The following BMP2K variants were observed in gnomAD, a reference collection of about 807,000 sequenced individuals.
The protein encoded by BMP2K is BMP-2-inducible protein kinase.
Under a neutral mutation model 116.0 loss-of-function variants are expected in BMP2K, and 74 were observed. That is an observed-to-expected ratio of 0.64 (90% confidence interval 0.53 to 0.77). The LOEUF (loss-of-function observed/expected upper bound fraction) is 0.77. BMP2K is among the 30% of genes least tolerant of loss of function. The pLI is 0.00. For synonymous variants in BMP2K, 486 were observed against 502.5 expected, an observed-to-expected ratio of 0.97 and a Z score of 0.44; for missense variants, 1,365 against 1,403.6, an observed-to-expected ratio of 0.97 and a Z score of 0.44.
At chr4:78,865,109 C>T (rs958295681) in intron 9 of BMP2K, among the ~76,000 whole-genome samples, 4 of 152,116 alleles carry the variant, frequency 2.6e-5, no homozygotes, top group Non-Finnish European at 4.4e-5. Context: ...TTAACGTGCC[C>T]TAGGCCACAG....
At position 78,829,762 on chromosome 4, in the gene BMP2K, TTTCTTTTC is replaced by T. The variant is rs575196306; in HGVS notation, c.297+3610_297+3617del. On this transcript the variant is annotated intron_variant, in intron 2 of 15. Coordinates refer to ENST00000502613, the MANE Select transcript of BMP2K (RefSeq NM_198892.2). Reference sequence around the variant, plus strand: ...AGCAGGCATGGAAACAATCTTTTCTTTTCTTTTCTTTTCTTTTCTTTTCTTTTCTCTTC... The same window carrying T: ...AGCAGGCATGGAAACAATCTTTTCTTTTTTCTTTTCTTTTCTTTTCTCTTC... Among the ~76,000 whole-genome samples, 3 of 109,904 alleles carry T rather than the reference TTTCTTTTC, an allele frequency of 2.7e-5. No homozygotes were observed. The South Asian group carries it at 8.6e-4, about 31-fold the overall frequency. The allele number at this position is 109,904 out of a possible 152,430, so 72.1% of individuals were successfully genotyped here.
rs376324762 is a variant in BMP2K at position 78,823,043 on chromosome 4, A to G, written c.179-2994A>G. On this transcript the variant is annotated intron_variant, in intron 1 of 15. Transcript: ENST00000502613. ...TGGGGAAAACATAAACATTTATTAC[A>G]TTTTATTCTCAAAGCAGATACAATT... Among the ~76,000 whole-genome samples the G allele has an allele frequency of 7.2e-5, 11 of 152,234 alleles. No individual in the cohort carries two copies. In the East Asian group the frequency reaches 1.9e-3, roughly 27 times the overall value.
intron 1 of BMP2K, among the ~76,000 whole-genome samples, chr4:78,810,463 A>G (rs772741097): frequency 1.3e-4 from 20 of 152,180 alleles, no homozygotes; most frequent in African/African-American, 4.1e-4. Flanking sequence ...ATCACTGCCT[A>G]TGACAGCTAC....
At chr4:78,834,896 G>A (rs1281629404) in intron 3 of BMP2K, among the ~76,000 whole-genome samples, 1 of 152,160 alleles carries the variant, frequency 6.6e-6, no homozygotes, top group Non-Finnish European at 1.5e-5. Context: ...ACAACCAGAT[G>A]TTTCTTGATT....
At chr4:78,863,970 T>C (rs1006143145) in intron 9 of BMP2K, among the ~76,000 whole-genome samples, 1 of 152,212 alleles carries the variant, frequency 6.6e-6, no homozygotes, top group Non-Finnish European at 1.5e-5. Context: ...TTATTACATT[T>C]CCACTAACAT....
intron 1 of BMP2K, among the ~76,000 whole-genome samples, chr4:78,784,888 C>T (rs72862505): frequency 1.5e-3 from 226 of 152,198 alleles, no homozygotes; most frequent in African/African-American, 5.2e-3. Context: ...ACATCTTTTT[C>T]CATTTTAGTA....
rs981087437 is a variant in BMP2K, at chr4:78,890,173, GA to G, written c.2062+2900del. ...GTCAGATTTAACAAGATTTGAAATG[GA>G]AAAAAAAAAATCACTTCCTTTCCTG... On this transcript the variant is annotated intron_variant, in intron 15 of 15. Transcript: ENST00000502613. Among the ~76,000 whole-genome samples, 1,208 of 145,970 alleles carry G rather than the reference GA, an allele frequency of 8.3e-3. 10 individuals are homozygous for G. Among genetic ancestry groups the G allele is most frequent in the African/African-American group, 0.019 (764 of 40,050 alleles).
At chr4:78,783,124 G>A (rs1283750689) in intron 1 of BMP2K, among the ~76,000 whole-genome samples, 1 of 152,134 alleles carries the variant, frequency 6.6e-6, no homozygotes, top group Non-Finnish European at 1.5e-5. Flanking sequence ...CATTTATCCT[G>A]AATAAGTATC....
intron 12 of BMP2K, 31 bp downstream of exon 12, chr4:78,871,979 G>A: frequency 7.6e-6 from 11 of 1,455,316 alleles, no homozygotes; most frequent in Non-Finnish European, 1.1e-5. Context: ...AGATTTCTCT[G>A]AGTATACATT....
intron 2 of BMP2K, among the ~76,000 whole-genome samples, chr4:78,832,969 G>C (rs1730281991): frequency 6.6e-6 from 1 of 151,802 alleles, no homozygotes; most frequent in South Asian, 2.1e-4. Context: ...AACAGAGTAG[G>C]TTATTATTCT....
chr4:78,895,588 G>A (rs983969517), intron 15 of BMP2K, among the ~76,000 whole-genome samples: 2 of 152,018 alleles, frequency 1.3e-5, no homozygotes, highest in Admixed American at 1.3e-4. Context: ...AAAGTTGAAA[G>A]TGAGACTTGG....
intron 15 of BMP2K, among the ~76,000 whole-genome samples, chr4:78,898,035 C>A (rs1262188183): frequency 6.6e-6 from 1 of 152,078 alleles, no homozygotes; most frequent in Non-Finnish European, 1.5e-5. Context: ...AAAGATGTTA[C>A]TTATGGTTAA....
Position 78,910,752 on chromosome 4 carries a change from G to A in BMP2K, c.2205G>A (p.Lys735=). Residue 735 remains lysine, a synonymous_variant, in exon 16 of 16, where the codon AAG becomes AAA. Transcript: ENST00000502613. ...KKTSVQGQVQ[K]GNDESESDFE... ...CCTCAGTACAGGGTCAAGTGCAAAA[G>A]GGGAATGATGAATCTGAAAGTGATT... The A allele has an allele frequency of 6.2e-7, 1 of 1,613,886 alleles. No individual in the cohort carries two copies. Among genetic ancestry groups the A allele is most frequent in the Non-Finnish European group, 8.5e-7 (1 of 1,179,848 alleles).
intron 7 of BMP2K, among the ~76,000 whole-genome samples, chr4:78,857,574 G>A (rs1229343841): frequency 6.6e-6 from 1 of 152,008 alleles, no homozygotes; most frequent in Non-Finnish European, 1.5e-5. Context: ...TACTTAAAAA[G>A]TTTTTCTTGG....
At chr4:78,786,737 A>G (rs936574891) in intron 1 of BMP2K, among the ~76,000 whole-genome samples, 3 of 152,040 alleles carry the variant, frequency 2.0e-5, no homozygotes, top group African/African-American at 7.2e-5. Flanking sequence ...TTTTCCTGAA[A>G]CCCTATCTAC....
In BMP2K at chr4:78,795,637, C is replaced by A. The variant is rs534501328; in HGVS notation, c.178+18916C>A. 8.9e-3 allele frequency among the ~76,000 whole-genome samples: 1,356 copies of A among 152,192 alleles called. 25 individuals carry two copies. Among genetic ancestry groups the A allele is most frequent in the African/African-American group, 0.031 (1,271 of 41,460 alleles). On this transcript the variant is annotated intron_variant, in intron 1 of 15. Transcript: ENST00000502613. ...TGGGAGAAAATTTTCGCAACCTACT[C>A]ATCTGACAAAGGGCTAATATCCAGA... is the stretch of plus-strand genomic sequence containing the variant.
chr4:78,885,160 T>G (rs909999180), intron 14 of BMP2K, among the ~76,000 whole-genome samples: 1 of 152,190 alleles, frequency 6.6e-6, no homozygotes, highest in Admixed American at 6.5e-5. Context: ...AACAAAATGT[T>G]TAATAGTGTT....
intron 8 of BMP2K, among the ~76,000 whole-genome samples, chr4:78,860,573 A>G (rs1464690480): frequency 6.6e-6 from 1 of 151,868 alleles, no homozygotes; most frequent in Non-Finnish European, 1.5e-5. Flanking sequence ...CTGACTGTAC[A>G]GTGCATTTAA....
At chr4:78,822,122 A>C (rs1319274050) in intron 1 of BMP2K, among the ~76,000 whole-genome samples, 1 of 152,218 alleles carries the variant, frequency 6.6e-6, no homozygotes, top group East Asian at 1.9e-4. Context: ...ACTACAGTGT[A>C]TAACAATTGA....
Sources: gnomAD v4.1 joint callset for allele counts (sites outside exome capture counted in the v4.1 genomes callset) on GRCh38, gnomAD v4.1.1 for gene constraint, MANE v1.5 for transcripts, NCBI Gene and HGNC (gene_info 2026-07-23, HGNC 2026-07-21) for gene names.